Variants in VEPH1 observed in about 807,000 individuals in gnomAD.
VEPH1 encodes the protein ventricular zone expressed PH domain containing 1.
In VEPH1, 80 loss-of-function variants were observed where a neutral mutation model predicts 85.2. The observed-to-expected ratio is 0.94, with a 90% CI of 0.78 to 1.13. VEPH1 has a LOEUF of 1.13. Ranked by LOEUF, VEPH1 falls within the 50% of genes most tolerant of loss-of-function variation. VEPH1 has a pLI of 0.00. For missense variants in VEPH1, 955 were observed against 980.5 expected (o/e 0.97, Z 0.35); for synonymous variants, 297 against 348.0 (o/e 0.85, Z 1.63).
chr3:157,380,874 T>C (rs982275105), intron 7 of VEPH1, among the ~76,000 whole-genome samples: 1 of 152,262 alleles, frequency 6.6e-6, no homozygotes, highest in Non-Finnish European at 1.5e-5. Flanking sequence ...AATTGTTAAC[T>C]GCTTGTTGAG....
chr3:157,381,642 G>A (rs1380138182), intron 6 of VEPH1: 6 of 444,428 alleles, frequency 1.4e-5, no homozygotes, highest in South Asian at 2.3e-5. Context: ...TCACTTGAAC[G>A]CAGGAGGCAG....
At chr3:157,343,001 C>A (rs1723763164) in intron 9 of VEPH1, among the ~76,000 whole-genome samples, 1 of 152,110 alleles carries the variant, frequency 6.6e-6, no homozygotes, top group African/African-American at 2.4e-5. Context: ...CATGACATAC[C>A]AGAATCTCTG....
chr3:157,312,044 ATTC>A (rs1163556652), intron 11 of VEPH1, among the ~76,000 whole-genome samples: 4 of 152,230 alleles, frequency 2.6e-5, no homozygotes, highest in African/African-American at 9.6e-5. Flanking sequence ...TATTATTAGA[ATTC>A]TTCATCATTT....
At chr3:157,301,024 A>G (rs1012867622) in intron 11 of VEPH1, among the ~76,000 whole-genome samples, 2 of 152,200 alleles carry the variant, frequency 1.3e-5, no homozygotes, top group Non-Finnish European at 2.9e-5. Context: ...TCCCGGATGA[A>G]CTATCGTGGC....
intron 11 of VEPH1, among the ~76,000 whole-genome samples, chr3:157,306,321 A>G (rs540853223): frequency 7.2e-5 from 11 of 152,242 alleles, no homozygotes; most frequent in African/African-American, 2.6e-4. Context: ...GTGTATTTTT[A>G]TCATAAGTAT....
At chr3:157,327,725 A>G (rs1372372022) in intron 9 of VEPH1, among the ~76,000 whole-genome samples, 2 of 152,178 alleles carry the variant, frequency 1.3e-5, no homozygotes, top group Admixed American at 6.5e-5. Context: ...TGGTGCATAT[A>G]GACTTGCAAA....
chr3:157,364,437 G>A lies in VEPH1; in HGVS notation c.1203C>T (p.Asp401=). The A allele has an allele frequency of 6.2e-7, 1 of 1,613,930 alleles. No homozygotes were observed. Among genetic ancestry groups the A allele is most frequent in the Admixed American group, 1.7e-5 (1 of 60,012 alleles). Residue 401 remains aspartate (D), a synonymous_variant, in exon 8 of 14, where the codon GAC becomes GAT. Transcript: ENST00000362010. The part of the protein sequence containing the change: ...ETKLIVTENE[D]HEKLQVKIQA... ...GGATTTTAACTTGGAGTTTTTCATG[G>A]TCTTCATTTTCAGTTACTATGAGCT...
chr3:157,327,080 C>T (rs1461962789), intron 9 of VEPH1, among the ~76,000 whole-genome samples: 1 of 152,116 alleles, frequency 6.6e-6, no homozygotes, highest in Non-Finnish European at 1.5e-5. Context: ...GCATCTCACA[C>T]CAGTGGGCAC....
intron 12 of VEPH1, among the ~76,000 whole-genome samples, chr3:157,274,845 C>T (rs1281618594): frequency 6.6e-6 from 1 of 152,158 alleles, no homozygotes; most frequent in South Asian, 2.1e-4. Context: ...TTGAAACTTC[C>T]ATTTACAAGA....
chr3:157,325,189 T>G (rs557331848), intron 9 of VEPH1, among the ~76,000 whole-genome samples: 55 of 151,114 alleles, frequency 3.6e-4, no homozygotes, highest in Non-Finnish European at 6.1e-4. Flanking sequence ...GAGTTGTTTG[T>G]TTTTTTTTCT....
chr3:157,395,472 C>T (rs560792803), intron 6 of VEPH1, among the ~76,000 whole-genome samples: 15 of 152,296 alleles, frequency 9.8e-5, no homozygotes, highest in Middle Eastern at 3.4e-3. Flanking sequence ...TAACCTCCTT[C>T]TCTGACACCA....
At chr3:157,327,069 G>A (rs1721984504) in intron 9 of VEPH1, among the ~76,000 whole-genome samples, 1 of 152,100 alleles carries the variant, frequency 6.6e-6, no homozygotes, top group Non-Finnish European at 1.5e-5. Flanking sequence ...ACTCAAGAGG[G>A]GCATCTCACA....
At position 157,286,425 on chromosome 3, in the gene VEPH1, G is replaced by T. The variant is rs1340313007; in HGVS notation, c.2128+132C>A. 5 of 748,020 alleles carry T rather than the reference G, an allele frequency of 6.7e-6. No individual in the cohort carries two copies. In the East Asian group the frequency reaches 1.3e-4, roughly 19 times the overall value. The allele number at this position is 748,020 out of a possible 1,614,324, so 46.3% of individuals were successfully genotyped here. On this transcript the variant is annotated intron_variant, in intron 12 of 13. Transcript: ENST00000362010. ...GAGACGCCTTTCTCAGCACAAAGCA[G>T]GGACATGACTCTGTGCATTATTACA...
At chr3:157,306,217 T>C (rs1441319902) in intron 11 of VEPH1, among the ~76,000 whole-genome samples, 1 of 152,104 alleles carries the variant, frequency 6.6e-6, no homozygotes, top group Non-Finnish European at 1.5e-5. Flanking sequence ...ATCTCCTTAA[T>C]TCCCTTCCCC....
At chr3:157,370,820 AACTG>A (rs1727404301) in intron 7 of VEPH1, among the ~76,000 whole-genome samples, 2 of 152,334 alleles carry the variant, frequency 1.3e-5, no homozygotes, top group African/African-American at 2.4e-5. Context: ...TTGTGGGGGA[AACTG>A]ACTGAACAGA....
At chr3:157,440,718 C>T (rs973379339) in intron 4 of VEPH1, among the ~76,000 whole-genome samples, 1 of 151,882 alleles carries the variant, frequency 6.6e-6, no homozygotes, top group Non-Finnish European at 1.5e-5. Context: ...ATGCAGAGCT[C>T]ACCTGTTCTT....
At chr3:157,302,150 A>G (rs1310420003) in intron 11 of VEPH1, among the ~76,000 whole-genome samples, 1 of 151,900 alleles carries the variant, frequency 6.6e-6, no homozygotes, top group Non-Finnish European at 1.5e-5. Flanking sequence ...TGTCACTTTT[A>G]CCTCCAACCG....
intron 9 of VEPH1, among the ~76,000 whole-genome samples, chr3:157,354,703 C>T (rs1012740965): frequency 5.3e-5 from 8 of 152,112 alleles, no homozygotes; most frequent in Admixed American, 4.6e-4. Context: ...GTTCTTGGTC[C>T]ATATCATCCC....
intron 5 of VEPH1, chr3:157,415,329 AT>A (rs1475973889): frequency 1.2e-4 from 18 of 152,224 alleles, no homozygotes; most frequent in Non-Finnish European, 2.4e-4. Flanking sequence ...TAAAGGAGAC[AT>A]TCAGTAAAAG....
Sources: gnomAD v4.1 joint callset for allele counts (sites outside exome capture counted in the v4.1 genomes callset) on GRCh38, gnomAD v4.1.1 for gene constraint, MANE v1.5 for transcripts, NCBI Gene and HGNC (gene_info 2026-07-23, HGNC 2026-07-21) for gene names.